Variants in DRC7 observed in about 807,000 individuals in gnomAD.
The protein encoded by DRC7 is coiled-coil domain containing 135.
In DRC7, 80 loss-of-function variants were observed where a neutral mutation model predicts 104.4. The ratio of observed to expected loss-of-function variants is 0.77; its 90% CI spans 0.64 to 0.92. The LOEUF (loss-of-function observed/expected upper bound fraction) is 0.92, where lower values mean the gene tolerates loss of function less well. Among genes scored for constraint, DRC7 ranks in the 40% least tolerant of loss-of-function variants. DRC7 has a pLI of 0.00. For missense variants in DRC7, 1,034 were observed against 1,141.1 expected (o/e 0.91, Z 1.35); for synonymous variants, 405 against 447.3 (o/e 0.91, Z 1.19).
chr16:57,726,059 G>T lies in DRC7; in HGVS notation c.1759-9G>T. On this transcript the variant is annotated splice_polypyrimidine_tract_variant and intron_variant, in intron 13 of 18. Coordinates refer to ENST00000360716, the MANE Select transcript of DRC7 (RefSeq NM_001289162.2). ...CTTTGCTCATCCTTTGCATGTTCTG[G>T]CCTCCCAGAAAATCACAGAGCGGTT... 1 of 1,611,030 alleles carries T rather than the reference G, an allele frequency of 6.2e-7. No individual in the cohort carries two copies. Among genetic ancestry groups the T allele is most frequent in the Non-Finnish European group, 8.5e-7 (1 of 1,178,676 alleles).
rs527430645 is a variant in DRC7, at chr16:57,731,255, T to C, written c.2622T>C (p.Ala874=). The change falls in exon 19 of 19, where the codon GCT becomes GCC. Residue 874 remains alanine, a synonymous_variant. Coordinates refer to ENST00000360716, the MANE Select transcript of DRC7 (RefSeq NM_001289162.2). ...TGGGGGAGCTCCAGAAAATATTCGCTTGATGTCCCTCCTGGGGCCTCAGCC... is the reference window on the plus strand; with the variant it reads ...TGGGGGAGCTCCAGAAAATATTCGCCTGATGTCCCTCCTGGGGCCTCAGCC... ...PRLGELQKIF[A] The C allele has an allele frequency of 1.9e-6, 3 of 1,612,654 alleles. No individual in the cohort carries two copies. Among genetic ancestry groups the C allele is most frequent in the African/African-American group, 2.7e-5 (2 of 75,040 alleles).
At chr16:57,697,789 C>A in intron 2 of DRC7, 124 bp from the exon 3 acceptor site, 1 of 1,038,974 alleles carries the variant, frequency 9.6e-7, no homozygotes, top group Non-Finnish European at 1.4e-6. Flanking sequence ...GAGGGAATCA[C>A]TCCCTATGTG....
At chr16:57,717,811 A>G (rs2048860236) in intron 8 of DRC7, among the ~76,000 whole-genome samples, 1 of 152,042 alleles carries the variant, frequency 6.6e-6, no homozygotes, top group Admixed American at 6.6e-5. Flanking sequence ...AAAGTGCTGG[A>G]ACTACAGGCA....
chr16:57,701,898 C>T (rs375891164), intron 5 of DRC7, 38 bp from the exon 6 acceptor site: 173 of 1,580,744 alleles, frequency 1.1e-4, no homozygotes, highest in African/African-American at 3.5e-4. Context: ...GCTGGGGCAG[C>T]GGGGCCCCAG....
chr16:57,715,912 A>G (rs1449969157), intron 8 of DRC7, among the ~76,000 whole-genome samples: 2 of 152,216 alleles, frequency 1.3e-5, no homozygotes, highest in Non-Finnish European at 2.9e-5. Flanking sequence ...TGCTGTGCCA[A>G]GTGAGGGCAT....
chr16:57,729,643 TG>T (rs1440809313), intron 17 of DRC7, among the ~76,000 whole-genome samples: 1 of 19,838 alleles, frequency 5.0e-5, no homozygotes, highest in Admixed American at 7.5e-4. Flanking sequence ...AGTGGGTGGA[TG>T]GGGTGGGTGG....
intron 15 of DRC7, 102 bp downstream of exon 15, chr16:57,727,044 T>G (rs2048977285): frequency 5.2e-6 from 4 of 768,688 alleles, no homozygotes; most frequent in African/African-American, 3.4e-5. Context: ...CAATTATGGC[T>G]CTACATCCCG....
intron 7 of DRC7, among the ~76,000 whole-genome samples, chr16:57,705,998 CAT>C (rs2048718785): frequency 1.6e-5 from 2 of 128,148 alleles, no homozygotes; most frequent in Non-Finnish European, 3.6e-5. Flanking sequence ...CCCATCCATC[CAT>C]CCTCCCACCA....
chr16:57,707,342 T>A, intron 7 of DRC7, 118 bp from the exon 8 acceptor site: 1 of 844,570 alleles, frequency 1.2e-6, no homozygotes. Context: ...CGGTTGATGG[T>A]GCAGTCTACA....
chr16:57,713,410 C>G (rs1216915649), intron 8 of DRC7, among the ~76,000 whole-genome samples: 1 of 151,980 alleles, frequency 6.6e-6, no homozygotes, highest in East Asian at 1.9e-4. Flanking sequence ...ATTTTGAAGC[C>G]CTGCTATTAG....
In DRC7 at chr16:57,698,049, C is replaced by A. The variant is rs2048615846; in HGVS notation, c.100C>A (p.Pro34Thr). 1 of 1,614,048 alleles carries A rather than the reference C, an allele frequency of 6.2e-7. No individual in the cohort carries two copies. Among genetic ancestry groups the A allele is most frequent in the South Asian group, 1.1e-5 (1 of 91,082 alleles). Residue 34 changes from proline (P) to threonine (T), a missense_variant, in exon 3 of 19, where the codon CCA becomes ACA. By Grantham distance (38) the Pro-to-Thr change is conservative. Transcript: ENST00000360716. ...GGCGAGGATGGAGAAAATGATGAGG[C>A]CAGTTGAGGTGCGGAAGGAGGAAAT... ...EWARMEKMMR[P>T]VEVRKEEITL...
intron 13 of DRC7, 129 bp from the exon 14 acceptor site, chr16:57,725,939 A>C (rs1426941232): frequency 2.7e-6 from 2 of 749,204 alleles, no homozygotes; most frequent in Admixed American, 4.3e-5. Context: ...GGGCTATTCC[A>C]CGTGAATCGC....
intron 7 of DRC7, among the ~76,000 whole-genome samples, chr16:57,705,597 A>C (rs2148738902): frequency 2.3e-5 from 2 of 87,332 alleles, no homozygotes; most frequent in African/African-American, 4.6e-5. Context: ...CCAACCATCC[A>C]TTCTCCCATC....
intron 8 of DRC7, chr16:57,714,370 T>C: frequency 6.2e-6 from 1 of 161,102 alleles, no homozygotes; most frequent in East Asian, 1.9e-4. Flanking sequence ...CCTGTAATCC[T>C]GATACTTTGG....
chr16:57,724,413 G>A (rs1351790106), intron 12 of DRC7, among the ~76,000 whole-genome samples: 2 of 151,856 alleles, frequency 1.3e-5, no homozygotes, highest in Admixed American at 6.6e-5. Context: ...GCACGATGCA[G>A]ATGTTCATCA....
intron 8 of DRC7, among the ~76,000 whole-genome samples, chr16:57,709,440 T>G (rs536661189): frequency 6.6e-6 from 1 of 152,208 alleles, no homozygotes. Flanking sequence ...CATTTCACTA[T>G]TTGTGTGATG....
At position 57,700,373 on chromosome 16, in the gene DRC7, G is replaced by T. The variant is rs922054458; in HGVS notation, c.504+103G>T. 6 of 1,435,172 alleles carry T rather than the reference G, an allele frequency of 4.2e-6. No individual in the cohort carries two copies. The Admixed American group carries it at 8.0e-5, about 19-fold the overall frequency. 88.9% of individuals were successfully genotyped at this position (1,435,172 alleles called of 1,614,324 possible). A position where few individuals can be genotyped will look rare whatever the true frequency, so the allele number is the denominator to read the frequency against. The stretch of plus-strand genomic sequence containing the variant: ...CCCAAAGAATGGACTTAGAGGCCGG[G>T]CGTGGTAGCTCATGCCTGTAATCCC... On this transcript the variant is annotated intron_variant, in intron 5 of 18. Transcript: ENST00000360716.
rs754785681 is a variant in DRC7, at chr16:57,698,164, AG to A, written c.203+15del. ...TCAGCGGAGCTCCCGTGAGTGTGGC[AG>A]GGTGGGGGCCCTGGCAAGGGTAGAC... On this transcript the variant is annotated intron_variant, in intron 3 of 18. Transcript: ENST00000360716. 2 of 1,613,832 alleles carry A rather than the reference AG, an allele frequency of 1.2e-6. No individual in the cohort carries two copies. The highest frequency in any genetic ancestry group is 2.7e-5 in the African/African-American group (2 of 75,060).
At position 57,731,704 on chromosome 16, in the gene DRC7, C is replaced by G. The variant is rs1487420554; in HGVS notation, c.*446C>G. On this transcript the variant is annotated 3_prime_UTR_variant, in exon 19 of 19. Transcript: ENST00000360716. ...GATGGGGAAGGCTAAGATGCATGCC[C>G]CAGAATTTGAGGACTGAATCCCAGC... 1 of 172,524 alleles carries G rather than the reference C, an allele frequency of 5.8e-6. No homozygotes were observed. Among genetic ancestry groups the G allele is most frequent in the African/African-American group, 2.4e-5 (1 of 41,696 alleles). The allele number at this position is 172,524 out of a possible 1,614,324, so 10.7% of individuals were successfully genotyped here.
Sources: allele counts gnomAD v4.1 joint callset (sites outside exome capture counted in the v4.1 genomes callset), GRCh38; gene constraint gnomAD v4.1.1; transcripts MANE v1.5; gene names NCBI Gene and HGNC (gene_info 2026-07-23, HGNC 2026-07-21).